Variants in C12orf42 observed in about 807,000 individuals in gnomAD.
C12orf42 encodes the protein chromosome 12 open reading frame 42.
C12orf42 carries 25 observed loss-of-function variants against 21.6 expected under a neutral mutation model. The ratio of observed to expected loss-of-function variants is 1.16; its 90% CI spans 0.84 to 1.62. The LOEUF is 1.62. Ranked by LOEUF, C12orf42 falls within the 40% of genes most tolerant of loss-of-function variation. The probability of loss-of-function intolerance (pLI) is 0.00; values close to 1 mark genes in which losing one functional copy is unlikely to be tolerated. For synonymous variants in C12orf42, 174 were observed against 175.0 expected (o/e 0.99, Z 0.05); for missense variants, 483 against 459.3 (o/e 1.05, Z -0.47).
chr12:103,478,389 T>G lies in C12orf42; in HGVS notation c.38A>C (p.Glu13Ala), dbSNP rs772699239. The G allele has an allele frequency of 6.2e-7, 1 of 1,604,658 alleles. No homozygotes were observed. The highest frequency in any genetic ancestry group is 2.2e-5 in the East Asian group (1 of 44,718). Reference sequence around the variant, plus strand: ...AAAAGGTCTGATGGTTAGCAAGAATTCTTCTTCCCTTTGTTTCATACATAT... The same window carrying G: ...AAAAGGTCTGATGGTTAGCAAGAATGCTTCTTCCCTTTGTTTCATACATAT... ...TVICMKQREE[E>A]FLLTIRPFAN... Residue 13 changes from glutamate (E) to alanine (A), a missense_variant, in exon 2 of 6, where the codon GAA becomes GCA. By Grantham distance (107) the Glu-to-Ala change is moderately radical. Transcript: ENST00000548883.
the C12orf42 span, among the ~76,000 whole-genome samples, chr12:103,226,368 G>A: frequency 6.6e-6 from 1 of 152,198 alleles, no homozygotes; most frequent in South Asian, 2.1e-4. Context: ...AATGTCGGGA[G>A]CAGATTGGGT....
intron 10 of C12orf42, among the ~76,000 whole-genome samples, chr12:103,256,109 T>TACACAC (rs2034585028): frequency 2.3e-5 from 1 of 43,814 alleles, no homozygotes; most frequent in Non-Finnish European, 4.0e-5. Flanking sequence ...TATATATATA[T>TACACAC]ATACACACAC....
the C12orf42 span, among the ~76,000 whole-genome samples, chr12:103,546,200 G>A: frequency 4.1e-3 from 622 of 152,228 alleles, 5 homozygotes; most frequent in African/African-American, 0.014. Context: ...ATTGAATCTC[G>A]GAAACTCAGC....
chr12:103,107,126 C>T, the C12orf42 span, among the ~76,000 whole-genome samples: 1,490 of 152,006 alleles, frequency 9.8e-3, 28 homozygotes, highest in African/African-American at 0.034. Flanking sequence ...CAGCAATTGG[C>T]AAACTTGATA....
At chr12:103,370,830 G>GTACA (rs2045147899) in intron 3 of C12orf42, among the ~76,000 whole-genome samples, 1 of 151,890 alleles carries the variant, frequency 6.6e-6, no homozygotes, top group African/African-American at 2.4e-5. Context: ...AACCCCTGTG[G>GTACA]TACACAGTTC....
chr12:103,501,185 C>T, the C12orf42 span, among the ~76,000 whole-genome samples: 1 of 152,154 alleles, frequency 6.6e-6, no homozygotes, highest in African/African-American at 2.4e-5. Flanking sequence ...GGATGAAAGG[C>T]ATGGGAGGGA....
chr12:103,302,203 C>T lies in C12orf42; in HGVS notation c.988G>A (p.Val330Ile), dbSNP rs1390433669. ...GGGCGGGGGGGTGCTGAGGAGCAAA[C>T]CTTTATTAACCTCTTGGAGGGGAAA... ...THFPSKRLIKVCSSAPPRPTR... is the reference protein window; with the variant it reads ...THFPSKRLIKICSSAPPRPTR... The change falls in exon 6 of 6, where the codon GTT becomes ATT. Residue 330 changes from valine to isoleucine, a missense_variant. Physicochemically the swap from Val to Ile is conservative, Grantham distance 29 (BLOSUM62 3). Transcript: ENST00000548883. 2 of 1,612,050 alleles carry T rather than the reference C, an allele frequency of 1.2e-6. No homozygotes were observed.
chr12:103,294,486 C>CAAGCAAGAAAGA (rs1555245981), intron 4 of C12orf42, among the ~76,000 whole-genome samples: 30 of 94,814 alleles, frequency 3.2e-4, no homozygotes, highest in African/African-American at 1.1e-3. Context: ...AGCAAGCAAG[C>CAAGCAAGAAAGA]AAGAAAGAAA....
intron 2 of C12orf42, among the ~76,000 whole-genome samples, chr12:103,403,146 C>T (rs555219991): frequency 3.3e-5 from 5 of 152,114 alleles, no homozygotes; most frequent in East Asian, 1.9e-4. Context: ...GAGGCCGAGG[C>T]GGGCGGATCA....
the C12orf42 span, among the ~76,000 whole-genome samples, chr12:103,169,195 A>C: frequency 6.8e-6 from 1 of 146,756 alleles, no homozygotes; most frequent in Non-Finnish European, 1.5e-5. Flanking sequence ...TAAATAAATA[A>C]ATAAAATAAA....
At chr12:103,536,207 C>A in the C12orf42 span, among the ~76,000 whole-genome samples, 19 of 152,244 alleles carry the variant, frequency 1.2e-4, 1 homozygote, top group Middle Eastern at 0.031. Context: ...CAATAATGAA[C>A]CTCAGTTTTC....
At chr12:103,128,898 T>G in the C12orf42 span, among the ~76,000 whole-genome samples, 1 of 152,208 alleles carries the variant, frequency 6.6e-6, no homozygotes, top group Non-Finnish European at 1.5e-5. Flanking sequence ...TACACACTCT[T>G]GAAGGAAGAA....
At chr12:103,256,773 C>G (rs951006227) in intron 10 of C12orf42, among the ~76,000 whole-genome samples, 1 of 152,014 alleles carries the variant, frequency 6.6e-6, no homozygotes. Context: ...GAAAACAGAG[C>G]CTAAAACAGA....
chr12:103,376,697 T>C (rs1489388391), intron 3 of C12orf42, among the ~76,000 whole-genome samples: 1 of 152,200 alleles, frequency 6.6e-6, no homozygotes, highest in Non-Finnish European at 1.5e-5. Context: ...TGTTCTTACA[T>C]CTCTGAAAAC....
At chr12:103,434,888 T>C (rs1471300509) in intron 2 of C12orf42, among the ~76,000 whole-genome samples, 1 of 152,198 alleles carries the variant, frequency 6.6e-6, no homozygotes, top group African/African-American at 2.4e-5. Context: ...TCGAACTGGG[T>C]GGAGCCCACC....
rs183396791 is a variant in C12orf42, at chr12:103,449,051, C to A, written c.78+29298G>T. Among the ~76,000 whole-genome samples the A allele has an allele frequency of 2.0e-5, 3 of 151,442 alleles. No individual in the cohort carries two copies. The East Asian group carries it at 5.8e-4, about 29-fold the overall frequency. On this transcript the variant is annotated intron_variant, in intron 2 of 5. Transcript: ENST00000548883. ...AAAAATACAGAAGCAGCCCAAATGC[C>A]CATCAATCAATGAGTGGATAAAGAA...
chr12:103,531,887 G>C, the C12orf42 span, among the ~76,000 whole-genome samples: 1 of 152,182 alleles, frequency 6.6e-6, no homozygotes, highest in Non-Finnish European at 1.5e-5. Flanking sequence ...GCATTATGAA[G>C]CATTGTGGGA....
chr12:103,530,978 C>T, the C12orf42 span, among the ~76,000 whole-genome samples: 1 of 152,152 alleles, frequency 6.6e-6, no homozygotes, highest in Non-Finnish European at 1.5e-5. Flanking sequence ...ACAAAACAGT[C>T]GCCCCCATGA....
At chr12:103,362,454 A>C (rs1316663024) in intron 4 of C12orf42, among the ~76,000 whole-genome samples, 1 of 152,082 alleles carries the variant, frequency 6.6e-6, no homozygotes, top group Non-Finnish European at 1.5e-5. Flanking sequence ...AAGGTTCTTT[A>C]CCACCCCCCA....
Sources: allele counts gnomAD v4.1 joint callset (sites outside exome capture counted in the v4.1 genomes callset), GRCh38; gene constraint gnomAD v4.1.1; transcripts MANE v1.5; gene names NCBI Gene and HGNC (gene_info 2026-07-23, HGNC 2026-07-21).